The following PCDHGA6 variants were observed in gnomAD, a reference collection of about 807,000 sequenced individuals.
The protein encoded by PCDHGA6 is protocadherin gamma subfamily A, 6.
In PCDHGA6, 41 loss-of-function variants were observed where a neutral mutation model predicts 60.6. That is an observed-to-expected ratio of 0.68 (90% confidence interval 0.53 to 0.88). The LOEUF (loss-of-function observed/expected upper bound fraction) is 0.88, where lower values mean the gene tolerates loss of function less well. PCDHGA6 is among the 40% of genes least tolerant of loss of function. The pLI, the probability that PCDHGA6 is intolerant of heterozygous loss-of-function variation, is 0.00. For missense variants in PCDHGA6, 1,312 were observed against 1,203.0 expected (o/e 1.09, Z -1.34); for synonymous variants, 594 against 524.4 (o/e 1.13, Z -1.81).
chr5:141,465,210 AT>A (rs1374516492), intron 1 of PCDHGA6, among the ~76,000 whole-genome samples: 4 of 152,032 alleles, frequency 2.6e-5, no homozygotes, highest in African/African-American at 9.7e-5. Flanking sequence ...TATAAGCTTT[AT>A]TTTTCAACAT....
At chr5:141,499,189 C>T (rs1406015145) in intron 2 of PCDHGA6, among the ~76,000 whole-genome samples, 3 of 152,088 alleles carry the variant, frequency 2.0e-5, no homozygotes, top group African/African-American at 7.2e-5. Flanking sequence ...AAACCATTTC[C>T]CCCTTCTTAG....
At chr5:141,478,460 C>G (rs759992881) in intron 1 of PCDHGA6, 1 of 1,613,344 alleles carries the variant, frequency 6.2e-7, no homozygotes, top group East Asian at 2.2e-5. Flanking sequence ...AGCCAGTCCA[C>G]TGGCCAGCCG....
Position 141,376,313 on chromosome 5 carries a change from G to A in PCDHGA6, c.2230G>A (p.Glu744Lys). The A allele has an allele frequency of 6.2e-7, 1 of 1,614,230 alleles. No individual in the cohort carries two copies. The highest frequency in any genetic ancestry group is 8.5e-7 in the Non-Finnish European group (1 of 1,180,046). Residue 744 changes from glutamate to lysine, a missense_variant, in exon 1 of 4, where the codon GAA becomes AAA. Coordinates refer to ENST00000517434, the MANE Select transcript of PCDHGA6 (RefSeq NM_018919.3). ...GCCCGGCTCGCACTTTGTGGGCGTG[G>A]AAGGGGTTCGGGCTTTCCTGCAGAC... ...SMPGSHFVGVEGVRAFLQTYS... is the reference protein window; with the variant it reads ...SMPGSHFVGVKGVRAFLQTYS...
chr5:141,384,576 G>C (rs757254740), intron 1 of PCDHGA6: 3 of 1,614,178 alleles, frequency 1.9e-6, no homozygotes, highest in Admixed American at 1.7e-5. Flanking sequence ...ATGACAACCC[G>C]CCCGAGATCC....
chr5:141,403,069 A>T (rs747569947), intron 1 of PCDHGA6: 10 of 1,613,954 alleles, frequency 6.2e-6, no homozygotes, highest in Non-Finnish European at 7.6e-6. Context: ...CTGAAGAGAC[A>T]GAAAAGGGCT....
intron 1 of PCDHGA6, chr5:141,403,495 C>A: frequency 6.2e-7 from 1 of 1,614,014 alleles, no homozygotes; most frequent in Non-Finnish European, 8.5e-7. Context: ...TCTCCCTGAA[C>A]GTGCAGACTG....
At chr5:141,444,152 ATTTTTTTTTTTTTTTTTTT>A (rs747671382) in intron 1 of PCDHGA6, among the ~76,000 whole-genome samples, 14 of 33,898 alleles carry the variant, frequency 4.1e-4, no homozygotes, top group South Asian at 3.1e-3. Flanking sequence ...TGTGTACTGG[ATTTTTTTTTTTTTTTTTTT>A]TTTTTTTTTT....
Position 141,376,073 on chromosome 5 carries a change from GTGGCCGACAGGATCCCCGACATCC to G in PCDHGA6, c.1999_2022del (p.Arg667_Asp674del). ...CGCCACTGTCACGCTCACCGTGGCC[GTGGCCGACAGGATCCCCGACATCC>G]TGGCCGACCTGGGCAGCCTCGAGCC... On this transcript the variant is annotated inframe_deletion, in exon 1 of 4. Transcript: ENST00000517434. 1.2e-6 allele frequency: 2 copies of G among 1,613,508 alleles called. No homozygotes were observed. Among genetic ancestry groups the G allele is most frequent in the Non-Finnish European group, 1.7e-6 (2 of 1,179,908 alleles).
At chr5:141,408,566 G>A (rs779048929) in intron 1 of PCDHGA6, 2 of 1,613,912 alleles carry the variant, frequency 1.2e-6, no homozygotes, top group East Asian at 4.5e-5. Flanking sequence ...TGTCATTGTG[G>A]TGATTGAGGA....
Position 141,487,229 on chromosome 5 carries a change from G to A in PCDHGA6, c.2425-7578G>A. On this transcript the variant is annotated intron_variant, in intron 1 of 3. Coordinates refer to ENST00000517434, the MANE Select transcript of PCDHGA6 (RefSeq NM_018919.3). The surrounding 1 kb of genome is among the most constrained non-coding windows in gnomAD (Gnocchi z 5.0). ...AGAATCTTCAGCTCCAAGGGAAGGA[G>A]AATCTCGTCTAACCCTCTACTTGGC... is the stretch of plus-strand genomic sequence containing the variant. The A allele has an allele frequency of 6.2e-7, 1 of 1,614,138 alleles. No individual in the cohort carries two copies. The highest frequency in any genetic ancestry group is 8.5e-7 in the Non-Finnish European group (1 of 1,179,994).
Position 141,373,987 on chromosome 5 carries a change from G to C in PCDHGA6, c.-97G>C. 1 of 1,199,482 alleles carries C rather than the reference G, an allele frequency of 8.3e-7. No homozygotes were observed. The highest frequency in any genetic ancestry group is 2.3e-5 in the South Asian group (1 of 42,628). The allele number at this position is 1,199,482 out of a possible 1,614,324, so 74.3% of individuals were successfully genotyped here. On this transcript the variant is annotated 5_prime_UTR_variant, in exon 1 of 4. Transcript: ENST00000517434. ...AACGCTTCGCATCCGGTCTCTGCTT[G>C]TTGAAGGACCTTCACCGCTATTTCT...
In PCDHGA6 at chr5:141,476,245, G is replaced by C; in HGVS notation, c.2425-18562G>C. 3.1e-6 allele frequency: 5 copies of C among 1,614,086 alleles called. No homozygotes were observed. The highest frequency in any genetic ancestry group is 3.4e-6 in the Non-Finnish European group (4 of 1,180,026). On this transcript the variant is annotated intron_variant, in intron 1 of 3. Transcript: ENST00000517434. This position sits in a 1 kb window ranked among gnomAD's most constrained non-coding sequence, Gnocchi z 7.6. The stretch of plus-strand genomic sequence containing the variant: ...ATGAGATCCCGGAGGAAAGAGAGAA[G>C]GGTTTCGCTGTGGGCAACGTGGTCG...
At chr5:141,433,150 G>C (rs1466566074) in intron 1 of PCDHGA6, 5 of 1,613,936 alleles carry the variant, frequency 3.1e-6, no homozygotes, top group Middle Eastern at 1.6e-4. Flanking sequence ...CAGGTGATTC[G>C]GTATTTTCTA....
chr5:141,413,045 G>A, intron 1 of PCDHGA6: 1 of 894,362 alleles, frequency 1.1e-6, no homozygotes, highest in South Asian at 1.9e-5. Flanking sequence ...CTGGGCTGCA[G>A]GGAAGCTCAC....
Position 141,375,016 on chromosome 5 carries a change from C to T in PCDHGA6, c.933C>T (p.Asp311=), listed in dbSNP as rs939863882. The T allele has an allele frequency of 1.9e-6, 3 of 1,613,992 alleles. No individual in the cohort carries two copies. The highest frequency in any genetic ancestry group is 1.7e-6 in the Non-Finnish European group (2 of 1,179,894). Residue 311 remains aspartate (D), a synonymous_variant, in exon 1 of 4, where the codon GAC becomes GAT. Transcript: ENST00000517434. ...ISTSANLDYE[D]SSFYELGVEA... ...CTTCTGCAAATCTAGACTATGAGGACTCGAGTTTTTATGAGCTGGGTGTTG... is the reference window on the plus strand; with the variant it reads ...CTTCTGCAAATCTAGACTATGAGGATTCGAGTTTTTATGAGCTGGGTGTTG...
Position 141,432,292 on chromosome 5 carries a change from T to G in PCDHGA6, c.2424+55785T>G. 6.2e-7 allele frequency: 1 copy of G among 1,614,196 alleles called. No homozygotes were observed. The highest frequency in any genetic ancestry group is 8.5e-7 in the Non-Finnish European group (1 of 1,180,042). On this transcript the variant is annotated intron_variant, in intron 1 of 3. Transcript: ENST00000517434. This position sits in a 1 kb window ranked among gnomAD's most constrained non-coding sequence, Gnocchi z 6.0. Reference sequence around the variant, plus strand: ...CCTACGTGTCCATCAACTCCGACACTGGGGTACTGTATGCGCTGAGCTCCT... The same window carrying G: ...CCTACGTGTCCATCAACTCCGACACGGGGGTACTGTATGCGCTGAGCTCCT...
intron 1 of PCDHGA6, chr5:141,400,212 C>A (rs773459521): frequency 6.2e-7 from 1 of 1,614,058 alleles, no homozygotes; most frequent in East Asian, 2.2e-5. Context: ...TGGCCTTGAT[C>A]TCAGTGCTCT....
rs1371044841 is a variant in PCDHGA6, at chr5:141,374,444, G to A, written c.361G>A (p.Val121Met). ...EDKLNLYPVE[V>M]EIVDINDNTP... ...TAAACTGAATCTTTATCCCGTGGAA[G>A]TGGAAATAGTGGACATTAATGACAA... is the stretch of plus-strand genomic sequence containing the variant. Residue 121 changes from valine (V) to methionine (M), a missense_variant, in exon 1 of 4, where the codon GTG (valine) becomes ATG (methionine). Val to Met is a conservative substitution (Grantham distance 21). Transcript: ENST00000517434. 1 of 1,613,848 alleles carries A rather than the reference G, an allele frequency of 6.2e-7. No homozygotes were observed. The highest frequency in any genetic ancestry group is 8.5e-7 in the Non-Finnish European group (1 of 1,179,750).
In PCDHGA6 at chr5:141,375,058, A is replaced by C. The variant is rs1346702145; in HGVS notation, c.975A>C (p.Pro325=). The C allele has an allele frequency of 1.9e-6, 3 of 1,614,066 alleles. No individual in the cohort carries two copies. Among genetic ancestry groups the C allele is most frequent in the Non-Finnish European group, 2.5e-6 (3 of 1,179,900 alleles). ...TGGGTGTTGAAGCCCGGGATGGGCC[A>C]GGTCTTCGAGACAGAGCGAAAGTCT... is the stretch of plus-strand genomic sequence containing the variant. ...YELGVEARDG[P]GLRDRAKVLI... Residue 325 remains proline (P), a synonymous_variant, in exon 1 of 4, where the codon CCA becomes CCC. Coordinates refer to ENST00000517434, the MANE Select transcript of PCDHGA6 (RefSeq NM_018919.3).
Sources: allele counts gnomAD v4.1 joint callset (sites outside exome capture counted in the v4.1 genomes callset), GRCh38; gene constraint gnomAD v4.1.1; non-coding constraint Gnocchi (gnomAD v3.1); transcripts MANE v1.5; gene names NCBI Gene and HGNC (gene_info 2026-07-23, HGNC 2026-07-21).